The following RORA variants were observed in gnomAD, a reference collection of about 807,000 sequenced individuals.
RORA encodes the protein RAR related orphan receptor A.
RORA carries 7 observed loss-of-function variants against 69.5 expected under a neutral mutation model. That is an observed-to-expected ratio of 0.10 (90% CI 0.06 to 0.19). The LOEUF (loss-of-function observed/expected upper bound fraction) is 0.19. Ranked by LOEUF, RORA falls within the 10% of genes least tolerant of loss-of-function variation. The probability of loss-of-function intolerance (pLI) is 1.00; values close to 1 mark genes in which losing one functional copy is unlikely to be tolerated. For missense variants in RORA, 457 were observed against 663.0 expected (o/e 0.69, Z 3.41); for synonymous variants, 261 against 240.8 (o/e 1.08, Z -0.78).
intron 2 of RORA, among the ~76,000 whole-genome samples, chr15:60,582,527 C>T (rs1431106968): frequency 6.6e-6 from 1 of 152,220 alleles, no homozygotes; most frequent in Non-Finnish European, 1.5e-5. Context: ...CCCATATCTT[C>T]ATCTTCCCCC....
At chr15:60,793,239 A>G (rs953367882) in intron 1 of RORA, among the ~76,000 whole-genome samples, 1 of 152,160 alleles carries the variant, frequency 6.6e-6, no homozygotes, top group Non-Finnish European at 1.5e-5. Context: ...TCTTCATTTA[A>G]TTTTTACTAT....
At chr15:60,593,419 CTG>C (rs2068597313) in intron 2 of RORA, 1 of 152,356 alleles carries the variant, frequency 6.6e-6, no homozygotes, top group South Asian at 2.1e-4. Context: ...AAATGAAACA[CTG>C]TGGTAATTCT....
At chr15:60,592,378 C>T (rs1178244606) in intron 2 of RORA, 19 of 1,422,806 alleles carry the variant, frequency 1.3e-5, no homozygotes, top group Non-Finnish European at 4.6e-6. Context: ...GCGGGGCGCC[C>T]GGGCTCACCT....
chr15:61,042,300 T>C (rs903683616), intron 1 of RORA, among the ~76,000 whole-genome samples: 2 of 152,138 alleles, frequency 1.3e-5, no homozygotes, highest in Non-Finnish European at 2.9e-5. Flanking sequence ...CTATCAATAA[T>C]TATCCAGGGA....
At chr15:60,853,255 G>A (rs1299084362) in intron 1 of RORA, among the ~76,000 whole-genome samples, 1 of 152,188 alleles carries the variant, frequency 6.6e-6, no homozygotes, top group East Asian at 1.9e-4. Context: ...GCCATTATCT[G>A]CAGCCGCAAA....
chr15:60,954,040 C>T (rs1893188567), intron 1 of RORA, among the ~76,000 whole-genome samples: 2 of 150,954 alleles, frequency 1.3e-5, no homozygotes, highest in South Asian at 4.2e-4. Context: ...TTGGAACCAA[C>T]CCAAATGTAC....
chr15:60,760,153 T>C (rs1047919959), intron 1 of RORA, among the ~76,000 whole-genome samples: 17 of 151,446 alleles, frequency 1.1e-4, no homozygotes, highest in Admixed American at 8.5e-4. Flanking sequence ...TTTTTTTTTT[T>C]CAATGTTTCT....
intron 1 of RORA, among the ~76,000 whole-genome samples, chr15:60,782,277 C>A (rs568016590): frequency 6.6e-6 from 1 of 152,134 alleles, no homozygotes; most frequent in Admixed American, 6.5e-5. Context: ...TTCAGAAGAC[C>A]AATGATTAAG....
intron 1 of RORA, among the ~76,000 whole-genome samples, chr15:61,091,792 A>C (rs2078711605): frequency 6.6e-6 from 1 of 152,206 alleles, no homozygotes; most frequent in South Asian, 2.1e-4. Context: ...TTAGAAATGT[A>C]AGTACTGCTT....
chr15:60,920,212 T>C (rs1892002415), intron 1 of RORA, among the ~76,000 whole-genome samples: 1 of 152,254 alleles, frequency 6.6e-6, no homozygotes, highest in South Asian at 2.1e-4. Flanking sequence ...TATCTATCTA[T>C]ATATCTAAGT....
chr15:61,036,110 C>A (rs980602719), intron 1 of RORA, among the ~76,000 whole-genome samples: 4 of 152,242 alleles, frequency 2.6e-5, no homozygotes, highest in Admixed American at 2.6e-4. Flanking sequence ...ACAGAAAGGA[C>A]CGCATTAACC....
chr15:61,041,103 C>A (rs746605835), intron 1 of RORA: 1 of 152,188 alleles, frequency 6.6e-6, no homozygotes, highest in Non-Finnish European at 1.5e-5. Context: ...CCAAAACTCA[C>A]CAGTGCAATC....
At chr15:61,167,503 T>C (rs1596041122) in intron 1 of RORA, among the ~76,000 whole-genome samples, 1 of 10,510 alleles carries the variant, frequency 9.5e-5, no homozygotes, top group Non-Finnish European at 3.8e-4. Context: ...TTTTTTTTTT[T>C]TTTTTTTTTT....
intron 2 of RORA, among the ~76,000 whole-genome samples, chr15:60,674,532 G>GATGCAAA (rs1421912065): frequency 6.6e-6 from 1 of 152,134 alleles, no homozygotes; most frequent in Non-Finnish European, 1.5e-5. Flanking sequence ...TTTTAAAATG[G>GATGCAAA]ATGCAAAAGA....
intron 1 of RORA, among the ~76,000 whole-genome samples, chr15:61,187,541 C>A (rs2079756200): frequency 6.6e-6 from 1 of 152,174 alleles, no homozygotes. Flanking sequence ...CCGTGTTATT[C>A]ACGCTGTTCA....
chr15:61,114,342 A>C (rs1737202670), intron 1 of RORA, among the ~76,000 whole-genome samples: 8 of 152,178 alleles, frequency 5.3e-5, no homozygotes, highest in Admixed American at 3.9e-4. Flanking sequence ...GGTAAGTTTT[A>C]GCTTTAAAAA....
intron 1 of RORA, among the ~76,000 whole-genome samples, chr15:61,105,305 G>C (rs2078937057): frequency 6.6e-6 from 1 of 152,172 alleles, no homozygotes; most frequent in African/African-American, 2.4e-5. Context: ...AGTTTCATGA[G>C]AGCAGGAAGA....
chr15:61,004,628 A>G (rs1449660893), intron 1 of RORA, among the ~76,000 whole-genome samples: 1 of 152,174 alleles, frequency 6.6e-6, no homozygotes, highest in African/African-American at 2.4e-5. Flanking sequence ...TAAACCTCTT[A>G]CACATACACA....
At chr15:60,706,055 G>C (rs149103963) in intron 1 of RORA, among the ~76,000 whole-genome samples, 197 of 152,312 alleles carry the variant, frequency 1.3e-3, no homozygotes, top group African/African-American at 4.7e-3. Context: ...CACACGCATA[G>C]TTATTTAGGC....
Sources: gnomAD v4.1 joint callset for allele counts (sites outside exome capture counted in the v4.1 genomes callset) on GRCh38, gnomAD v4.1.1 for gene constraint, MANE v1.5 for transcripts, NCBI Gene and HGNC (gene_info 2026-07-23, HGNC 2026-07-21) for gene names.